Variants in ITPRID1 observed in about 807,000 individuals in gnomAD.
ITPRID1 encodes ITPR interacting domain containing 1.
ITPRID1 carries 96 observed loss-of-function variants against 95.4 expected under a neutral mutation model. The ratio of observed to expected loss-of-function variants is 1.01; its 90% confidence interval spans 0.85 to 1.19. The LOEUF is 1.19. ITPRID1 is among the 50% of genes most tolerant of loss of function. ITPRID1 has a pLI of 0.00. For missense variants in ITPRID1, 1,339 were observed against 1,252.9 expected (o/e 1.07, Z -1.04); for synonymous variants, 510 against 453.6 (o/e 1.12, Z -1.58).
In ITPRID1 at chr7:31,643,791, C is replaced by G; in HGVS notation, c.2421C>G (p.Ile807Met). ...ATGCTATACCTGCCCACTGCTGCATCTGCTGTCATCACCACCCTCACTGCC... is the reference window on the plus strand; with the variant it reads ...ATGCTATACCTGCCCACTGCTGCATGTGCTGTCATCACCACCCTCACTGCC... ...TCHAIPAHCC[I>M]CCHHHPHCHG... The change falls in exon 12 of 15, where the codon ATC becomes ATG. Residue 807 changes from isoleucine to methionine, a missense_variant. Coordinates refer to ENST00000615280, the MANE Select transcript of ITPRID1 (RefSeq NM_001257967.3). 1 of 1,613,998 alleles carries G rather than the reference C, an allele frequency of 6.2e-7. No individual in the cohort carries two copies. Among genetic ancestry groups the G allele is most frequent in the Non-Finnish European group, 8.5e-7 (1 of 1,179,890 alleles).
chr7:31,541,945 TG>T (rs1783946707), intron 1 of ITPRID1, among the ~76,000 whole-genome samples: 1 of 152,200 alleles, frequency 6.6e-6, no homozygotes, highest in South Asian at 2.1e-4. Context: ...TTAGCCAAAA[TG>T]TTTACACACA....
At chr7:31,639,549 T>G (rs1268036568) in intron 10 of ITPRID1, among the ~76,000 whole-genome samples, 2 of 150,142 alleles carry the variant, frequency 1.3e-5, no homozygotes, top group African/African-American at 4.9e-5. Context: ...TTTTTTTTTT[T>G]TTTTTGAGAT....
Position 31,643,524 on chromosome 7 carries a change from G to A in ITPRID1, c.2154G>A (p.Ser718=), listed in dbSNP as rs185363516. 557 of 1,613,970 alleles carry A rather than the reference G, an allele frequency of 3.5e-4. 5 individuals carry two copies. The East Asian group carries it at 9.9e-3, about 29-fold the overall frequency. ...CCCAGATGTCCTCCAGCCTGGTGTC[G>A]GCTGCTCAGAGGGCTGTGGCCTTGG... ...VMTQMSSSLV[S]AAQRAVALGT... The change falls in exon 12 of 15, where the codon TCG becomes TCA. Residue 718 remains serine, a synonymous_variant. Transcript: ENST00000615280.
intron 10 of ITPRID1, among the ~76,000 whole-genome samples, chr7:31,616,780 G>A (rs1227670769): frequency 6.8e-6 from 1 of 147,826 alleles, no homozygotes; most frequent in African/African-American, 2.6e-5. Context: ...AACCAAAAAG[G>A]TTTCTAAATT....
intron 10 of ITPRID1, among the ~76,000 whole-genome samples, chr7:31,585,223 A>G (rs1283025328): frequency 1.3e-5 from 2 of 152,222 alleles, no homozygotes; most frequent in Non-Finnish European, 2.9e-5. Flanking sequence ...AAACACATAA[A>G]TGGAGGTATA....
chr7:31,564,815 C>G (rs1012184392), intron 5 of ITPRID1, among the ~76,000 whole-genome samples: 1 of 152,126 alleles, frequency 6.6e-6, no homozygotes, highest in Non-Finnish European at 1.5e-5. Flanking sequence ...AGGTTGCCTT[C>G]AACAGATTGC....
At chr7:31,546,503 A>G (rs923571491) in intron 1 of ITPRID1, among the ~76,000 whole-genome samples, 3 of 151,956 alleles carry the variant, frequency 2.0e-5, no homozygotes, top group African/African-American at 7.2e-5. Context: ...TCAGATCTAC[A>G]ATGCTATATT....
chr7:31,629,647 G>A (rs1788815689), intron 10 of ITPRID1, among the ~76,000 whole-genome samples: 1 of 152,214 alleles, frequency 6.6e-6, no homozygotes, highest in Non-Finnish European at 1.5e-5. Flanking sequence ...TGGGTCCATA[G>A]AGAATGTTTT....
intron 7 of ITPRID1, among the ~76,000 whole-genome samples, chr7:31,573,367 G>GTT (rs542836819): frequency 1.4e-5 from 2 of 144,536 alleles, no homozygotes; most frequent in African/African-American, 2.5e-5. Context: ...AAAAATTTTA[G>GTT]TTTTTTTTTT....
rs1322756790 is a variant in ITPRID1 at position 31,577,109 on chromosome 7, A to ATGAC, written c.599-752_599-749dup. On this transcript the variant is annotated intron_variant, in intron 8 of 14. Coordinates refer to ENST00000615280, the MANE Select transcript of ITPRID1 (RefSeq NM_001257967.3). ...GAAGGGCAAATAGGTTTTTACATTA[A>ATGAC]TGACTATCTTCTCTGGAAAGACTGA... 3.3e-5 allele frequency among the ~76,000 whole-genome samples: 5 copies of ATGAC among 152,314 alleles called. No individual in the cohort carries two copies. In the East Asian group the frequency reaches 9.7e-4, roughly 29 times the overall value.
chr7:31,634,002 G>T (rs1789249032), intron 10 of ITPRID1, among the ~76,000 whole-genome samples: 2 of 152,130 alleles, frequency 1.3e-5, no homozygotes, highest in African/African-American at 4.8e-5. Flanking sequence ...GACCAGCCCA[G>T]CCCAGAAAAG....
chr7:31,652,958 C>T lies in ITPRID1; in HGVS notation c.*129C>T. The T allele has an allele frequency of 6.8e-7, 1 of 1,470,544 alleles. No homozygotes were observed. The highest frequency in any genetic ancestry group is 1.4e-5 in the African/African-American group (1 of 70,846). 91.1% of individuals were successfully genotyped at this position (1,470,544 alleles called of 1,614,324 possible). On this transcript the variant is annotated 3_prime_UTR_variant, in exon 15 of 15. Transcript: ENST00000615280. ...GTCAGCTATATCTCTCATATTCTAC[C>T]CTTTGGTTAAACCCAAGAGGAGTTT...
chr7:31,619,253 A>G (rs1239567261), intron 10 of ITPRID1, among the ~76,000 whole-genome samples: 7 of 152,196 alleles, frequency 4.6e-5, no homozygotes, highest in Non-Finnish European at 8.8e-5. Context: ...AGGCATAATG[A>G]CTAGATTTCT....
chr7:31,540,803 C>G (rs1783909596), intron 1 of ITPRID1, among the ~76,000 whole-genome samples: 1 of 152,186 alleles, frequency 6.6e-6, no homozygotes, highest in African/African-American at 2.4e-5. Context: ...GGTTCCCGGC[C>G]TGTCAGAAAG....
chr7:31,587,672 G>A (rs1305871529), intron 10 of ITPRID1, among the ~76,000 whole-genome samples: 6 of 151,452 alleles, frequency 4.0e-5, no homozygotes, highest in South Asian at 2.1e-4. Context: ...AAAAGAGCCC[G>A]CGTCACCAAG....
intron 10 of ITPRID1, among the ~76,000 whole-genome samples, chr7:31,586,803 T>A (rs1469880621): frequency 2.2e-4 from 33 of 152,068 alleles, no homozygotes; most frequent in Non-Finnish European, 4.4e-4. Context: ...CTGTTCACTC[T>A]GACGGTAGTT....
intron 10 of ITPRID1, among the ~76,000 whole-genome samples, chr7:31,619,449 G>A (rs1257379825): frequency 6.6e-6 from 1 of 152,100 alleles, no homozygotes. Context: ...TGTTTCAACT[G>A]TATGTGTAGA....
intron 10 of ITPRID1, among the ~76,000 whole-genome samples, chr7:31,618,008 C>T (rs1176165664): frequency 6.6e-6 from 1 of 152,130 alleles, no homozygotes; most frequent in Non-Finnish European, 1.5e-5. Flanking sequence ...TTTATGCTGT[C>T]AGAGCGTTTC....
At chr7:31,630,636 C>G (rs1489052207) in intron 10 of ITPRID1, among the ~76,000 whole-genome samples, 1 of 151,864 alleles carries the variant, frequency 6.6e-6, no homozygotes, top group East Asian at 1.9e-4. Context: ...ATTTACCAAT[C>G]AGTTATAAAA....
Sources: allele counts gnomAD v4.1 joint callset (sites outside exome capture counted in the v4.1 genomes callset), GRCh38; gene constraint gnomAD v4.1.1; transcripts MANE v1.5; gene names NCBI Gene and HGNC (gene_info 2026-07-23, HGNC 2026-07-21).